The following PNPT1 variants were observed in gnomAD, a reference collection of about 807,000 sequenced individuals.
PNPT1 encodes the protein polyribonucleotide nucleotidyltransferase 1.
Under a neutral mutation model 119.5 loss-of-function variants are expected in PNPT1, and 53 were observed. The ratio of observed to expected loss-of-function variants is 0.44; its 90% CI spans 0.36 to 0.56. PNPT1 has a LOEUF of 0.56. Among genes scored for constraint, PNPT1 ranks in the 20% least tolerant of loss-of-function variants. PNPT1 has a pLI of 0.00. For missense variants in PNPT1, 948 were observed against 938.5 expected, an observed-to-expected ratio of 1.01 and a Z score of -0.13; for synonymous variants, 357 against 322.1, an observed-to-expected ratio of 1.11 and a Z score of -1.16.
chr2:55,687,582 C>T, intron 2 of PNPT1, 63 bp downstream of exon 2: 1 of 1,192,508 alleles, frequency 8.4e-7, no homozygotes, highest in Non-Finnish European at 1.2e-6. Flanking sequence ...GTTGTAGTTA[C>T]ACATTTAGTA....
intron 11 of PNPT1, 81 bp from the exon 12 acceptor site, chr2:55,668,039 C>G: frequency 1.7e-6 from 2 of 1,199,640 alleles, no homozygotes; most frequent in Non-Finnish European, 1.2e-6. Flanking sequence ...AGCATAATAT[C>G]AACTAACTAC....
chr2:55,663,829 A>T (rs950321394), intron 13 of PNPT1, among the ~76,000 whole-genome samples: 1 of 151,974 alleles, frequency 6.6e-6, no homozygotes, highest in Non-Finnish European at 1.5e-5. Context: ...AATACAAAAA[A>T]AAAATTAGCC....
chr2:55,676,111 T>G (rs909606671), intron 8 of PNPT1, among the ~76,000 whole-genome samples: 2 of 151,350 alleles, frequency 1.3e-5, no homozygotes, highest in Non-Finnish European at 2.9e-5. Context: ...AAATAAAAAA[T>G]TAGCCAGGTG....
chr2:55,654,993 T>A (rs777509043), intron 17 of PNPT1, 40 bp from the exon 18 acceptor site: 2 of 1,533,188 alleles, frequency 1.3e-6, no homozygotes, highest in Non-Finnish European at 1.8e-6. Context: ...TAAACTGATT[T>A]TTTTAATGTA....
chr2:55,693,813 C>T lies in PNPT1; in HGVS notation c.11G>A (p.Cys4Tyr). 1 of 1,613,670 alleles carries T rather than the reference C, an allele frequency of 6.2e-7. No individual in the cohort carries two copies. The highest frequency in any genetic ancestry group is 8.5e-7 in the Non-Finnish European group (1 of 1,180,016). Residue 4 changes from cysteine (C) to tyrosine (Y), a missense_variant, in exon 1 of 28, where the codon TGC (cysteine) becomes TAC (tyrosine). By Grantham distance (194) the Cys-to-Tyr change is radical. Coordinates refer to ENST00000447944, the MANE Select transcript of PNPT1 (RefSeq NM_033109.5). Reference sequence around the variant, plus strand: ...CCGGAGGCACGAGCAGCAGTACCTGCAGGCCGCCATGACACCCGGCACGCG... The same window carrying T: ...CCGGAGGCACGAGCAGCAGTACCTGTAGGCCGCCATGACACCCGGCACGCG... MAA[C>Y]RYCCSCLRLR...
In PNPT1 at chr2:55,636,336, C is replaced by T. The variant is rs781141054; in HGVS notation, c.2253G>A (p.Val751=). ...CCACGGTTGTAGCTGGCGACTGAAG[C>T]ACTTTTCGAGAAAGCCTCATTCTTC... The part of the protein sequence containing the change: ...ADGRMRLSRK[V]LQSPATTVVR... Residue 751 remains valine, a synonymous_variant, in exon 28 of 28, where the codon GTG becomes GTA. Transcript: ENST00000447944. 8 of 1,614,092 alleles carry T rather than the reference C, an allele frequency of 5.0e-6. No individual in the cohort carries two copies. The Admixed American group carries it at 1.3e-4, about 27-fold the overall frequency.
chr2:55,674,825 T>C lies in PNPT1; in HGVS notation c.680-1746A>G, dbSNP rs1357159309. 3.3e-5 allele frequency among the ~76,000 whole-genome samples: 5 copies of C among 152,328 alleles called. No individual in the cohort carries two copies. The South Asian group carries it at 1.0e-3, about 32-fold the overall frequency. The stretch of plus-strand genomic sequence containing the variant: ...GCACCAGGCCTGAAGAAATTTCTTC[T>C]GATACCATGATACTGAGATGGCTAT... On this transcript the variant is annotated intron_variant, in intron 8 of 27. Coordinates refer to ENST00000447944, the MANE Select transcript of PNPT1 (RefSeq NM_033109.5).
At chr2:55,663,030 G>A (rs1696627465) in intron 13 of PNPT1, among the ~76,000 whole-genome samples, 1 of 152,032 alleles carries the variant, frequency 6.6e-6, no homozygotes, top group Non-Finnish European at 1.5e-5. Context: ...GACTACAGGT[G>A]CGTGCCACCA....
Position 55,667,092 on chromosome 2 carries a change from A to T in PNPT1, c.1075T>A (p.Cys359Ser). 6.2e-7 allele frequency: 1 copy of T among 1,609,298 alleles called. No homozygotes were observed. The highest frequency in any genetic ancestry group is 8.5e-7 in the Non-Finnish European group (1 of 1,176,324). The part of the protein sequence containing the change: ...RSIVLNEYKR[C>S]DGRDLTSLRN... ...AGTGAAGTCAAATCCCGACCATCGC[A>T]CCTATAGTGATATAGGAAATAAGTA... is the stretch of plus-strand genomic sequence containing the variant. The change falls in exon 13 of 28, where the codon TGC becomes AGC. Residue 359 changes from cysteine to serine, a missense_variant and splice_region_variant. Physicochemically the swap from Cys to Ser is moderately radical, Grantham distance 112 (BLOSUM62 -1). Coordinates refer to ENST00000447944, the MANE Select transcript of PNPT1 (RefSeq NM_033109.5).
At chr2:55,677,557 G>A (rs1177829937) in intron 8 of PNPT1, among the ~76,000 whole-genome samples, 4 of 120,200 alleles carry the variant, frequency 3.3e-5, no homozygotes, top group African/African-American at 1.3e-4. Context: ...TCGCACTGCT[G>A]CACTCCTCCA....
chr2:55,687,106 A>G (rs1207637108), intron 2 of PNPT1, among the ~76,000 whole-genome samples: 1 of 150,684 alleles, frequency 6.6e-6, no homozygotes, highest in Non-Finnish European at 1.5e-5. Context: ...CCCAGCTACT[A>G]AGGAGGCTGA....
intron 18 of PNPT1, among the ~76,000 whole-genome samples, chr2:55,648,678 A>G (rs143746660): frequency 2.5e-3 from 374 of 152,192 alleles, no homozygotes; most frequent in Non-Finnish European, 4.1e-3. Flanking sequence ...CAGTCTTTTT[A>G]TTACTGATTT....
At position 55,673,096 on chromosome 2, in the gene PNPT1, G is replaced by GAAA; in HGVS notation, c.680-20_680-18dup. On this transcript the variant is annotated splice_polypyrimidine_tract_variant and intron_variant, in intron 8 of 27. Transcript: ENST00000447944. ...CCAACATGACTATTTAAAGGAAAAA[G>GAAA]AAAAAAAAAATGACTGCCATCGAAG... The GAAA allele has an allele frequency of 2.1e-6, 3 of 1,405,100 alleles. No individual in the cohort carries two copies. Among genetic ancestry groups the GAAA allele is most frequent in the South Asian group, 1.5e-5 (1 of 66,994 alleles). The allele number at this position is 1,405,100 out of a possible 1,614,324, so 87.0% of individuals were successfully genotyped here. A position where few individuals can be genotyped will look rare whatever the true frequency, so the allele number is the denominator to read the frequency against.
intron 8 of PNPT1, among the ~76,000 whole-genome samples, chr2:55,677,519 G>A (rs1033857652): frequency 2.2e-4 from 33 of 148,000 alleles, no homozygotes; most frequent in African/African-American, 7.7e-4. Context: ...ACTTGAACCT[G>A]GGAGGCGGAG....
chr2:55,644,597 G>T, intron 23 of PNPT1, 40 bp downstream of exon 23: 2 of 1,452,018 alleles, frequency 1.4e-6, no homozygotes, highest in Non-Finnish European at 9.6e-7. Flanking sequence ...TTATGGTCTA[G>T]CATTTAATTA....
At chr2:55,669,742 T>C (rs187745580) in intron 11 of PNPT1, among the ~76,000 whole-genome samples, 94 of 149,396 alleles carry the variant, frequency 6.3e-4, no homozygotes, top group African/African-American at 2.2e-3. Flanking sequence ...TTAATGGCCT[T>C]AATATCAATG....
intron 27 of PNPT1, 97 bp from the exon 28 acceptor site, chr2:55,636,489 T>C: frequency 1.5e-6 from 2 of 1,303,604 alleles, no homozygotes; most frequent in Non-Finnish European, 2.1e-6. Flanking sequence ...AATAAGGCAA[T>C]GATTGTTTTT....
intron 19 of PNPT1, 64 bp downstream of exon 19, chr2:55,647,283 T>C (rs1402659099): frequency 7.5e-7 from 1 of 1,326,526 alleles, no homozygotes; most frequent in Non-Finnish European, 1.0e-6. Flanking sequence ...TTTTTATCTT[T>C]TAATTTTTAT....
rs148144235 is a variant in PNPT1, at chr2:55,683,834, T to A, written c.404A>T (p.Asp135Val). The A allele has an allele frequency of 5.5e-5, 88 of 1,613,472 alleles. No homozygotes were observed. The highest frequency in any genetic ancestry group is 7.0e-5 in the Non-Finnish European group (83 of 1,179,744). ...TGGAAAGAGCGGTCTAATTGAACGA[T>A]CTGCCAAAAGAAAAAAAAACACATT... The part of the protein sequence containing the change: ...DKEILTSRII[D>V]RSIRPLFPAG... Residue 135 changes from aspartate (D) to valine (V), a missense_variant and splice_region_variant, in exon 5 of 28, where the codon GAT (aspartate) becomes GTT (valine). Coordinates refer to ENST00000447944, the MANE Select transcript of PNPT1 (RefSeq NM_033109.5).
Sources: gnomAD v4.1 joint callset for allele counts (sites outside exome capture counted in the v4.1 genomes callset) on GRCh38, gnomAD v4.1.1 for gene constraint, MANE v1.5 for transcripts, NCBI Gene and HGNC (gene_info 2026-07-23, HGNC 2026-07-21) for gene names.